The following TMEM132B variants were observed in gnomAD, a reference collection of about 807,000 sequenced individuals.
TMEM132B encodes the protein transmembrane protein 132B.
Under a neutral mutation model 90.8 loss-of-function variants are expected in TMEM132B, and 18 were observed. The ratio of observed to expected loss-of-function variants is 0.20; its 90% CI spans 0.14 to 0.29. The LOEUF (loss-of-function observed/expected upper bound fraction) is 0.29. Ranked by LOEUF, TMEM132B falls within the 10% of genes least tolerant of loss-of-function variation. The pLI is 1.00. For synonymous variants in TMEM132B, 504 were observed against 523.3 expected (o/e 0.96, Z 0.50); for missense variants, 1,096 against 1,326.8 (o/e 0.83, Z 2.70).
intron 3 of TMEM132B, among the ~76,000 whole-genome samples, chr12:125,425,494 C>T (rs150750677): frequency 0.011 from 1,693 of 152,298 alleles, 29 homozygotes; most frequent in African/African-American, 0.037. Context: ...TTGGGGTTCA[C>T]TCCTTGTGTT....
chr12:125,662,223 A>G lies in TMEM132B; in HGVS notation c.*7513A>G, dbSNP rs1317994158. ...CATGCTGTTATGACATTGTGCTTCT[A>G]TATACCTTTTTGTATAATGTATCTA... On this transcript the variant is annotated 3_prime_UTR_variant, in exon 9 of 9. Coordinates refer to ENST00000682704, the MANE Select transcript of TMEM132B (RefSeq NM_001366854.1). The G allele has an allele frequency of 2.0e-5, 3 of 152,222 alleles. No individual in the cohort carries two copies. Among genetic ancestry groups the G allele is most frequent in the Non-Finnish European group, 1.5e-5 (1 of 68,038 alleles). The allele number at this position is 152,222 out of a possible 1,614,324, so 9.4% of individuals were successfully genotyped here.
At chr12:125,266,632 G>A (rs1874703407) in intron 1 of TMEM132B, among the ~76,000 whole-genome samples, 1 of 152,196 alleles carries the variant, frequency 6.6e-6, no homozygotes, top group African/African-American at 2.4e-5. Flanking sequence ...TTGGGGCTGA[G>A]GGTCAGGTTT....
At chr12:125,569,423 T>C (rs1884737994) in intron 4 of TMEM132B, among the ~76,000 whole-genome samples, 1 of 152,206 alleles carries the variant, frequency 6.6e-6, no homozygotes, top group Non-Finnish European at 1.5e-5. Context: ...TAGCACTTAG[T>C]TGCAGGTTCC....
chr12:125,311,332 C>G (rs942901633), intron 1 of TMEM132B, among the ~76,000 whole-genome samples: 1 of 152,182 alleles, frequency 6.6e-6, no homozygotes, highest in Non-Finnish European at 1.5e-5. Flanking sequence ...GATTTTAAAT[C>G]AAAGTTAATT....
At chr12:125,554,625 C>T (rs1045680285) in intron 4 of TMEM132B, among the ~76,000 whole-genome samples, 3 of 151,908 alleles carry the variant, frequency 2.0e-5, no homozygotes, top group African/African-American at 7.3e-5. Flanking sequence ...CTCCAAGAAT[C>T]CCTTTAATGT....
intron 1 of TMEM132B, among the ~76,000 whole-genome samples, chr12:125,235,349 T>C (rs1306439357): frequency 6.6e-6 from 1 of 152,088 alleles, no homozygotes; most frequent in Admixed American, 6.5e-5. Context: ...CCTCCATGGA[T>C]CCCACCTTTG....
chr12:125,230,751 G>T (rs139389977), intron 1 of TMEM132B, among the ~76,000 whole-genome samples: 58 of 150,980 alleles, frequency 3.8e-4, no homozygotes, highest in African/African-American at 1.2e-3. Context: ...TGATCCGCCC[G>T]CCTCGGCCTC....
chr12:125,338,506 G>A (rs1228110214), intron 1 of TMEM132B, among the ~76,000 whole-genome samples: 1 of 152,184 alleles, frequency 6.6e-6, no homozygotes. Context: ...TGAGGATGGG[G>A]GCACTGGAAG....
At chr12:125,493,494 G>A (rs1320932137) in intron 3 of TMEM132B, among the ~76,000 whole-genome samples, 1 of 152,160 alleles carries the variant, frequency 6.6e-6, no homozygotes, top group East Asian at 1.9e-4. Context: ...AGGGAACGTC[G>A]ACTACCCAGC....
rs1877513516 is a variant in TMEM132B, at chr12:125,350,180, A to G, written c.796A>G (p.Ser266Gly). The G allele has an allele frequency of 2.5e-6, 4 of 1,613,986 alleles. No homozygotes were observed. Among genetic ancestry groups the G allele is most frequent in the South Asian group, 1.1e-5 (1 of 91,066 alleles). The change falls in exon 2 of 9, where the codon AGT becomes GGT. Residue 266 changes from serine to glycine, a missense_variant. Physicochemically the swap from Ser to Gly is moderately conservative, Grantham distance 56. Coordinates refer to ENST00000682704, the MANE Select transcript of TMEM132B (RefSeq NM_001366854.1). ...GTTTCCAGCCCGAGAGAGGATTGGG[A>G]GTGTGGTGGTCTACCCAACCCAAGA... is the stretch of plus-strand genomic sequence containing the variant. ...QAFPARERIG[S>G]VVVYPTQDDL...
intron 2 of TMEM132B, among the ~76,000 whole-genome samples, chr12:125,352,081 C>A (rs1877604338): frequency 6.6e-6 from 1 of 152,210 alleles, no homozygotes; most frequent in Non-Finnish European, 1.5e-5. Flanking sequence ...GGATTAAATA[C>A]AACTGTTCTA....
At chr12:125,568,357 C>T (rs910257657) in intron 4 of TMEM132B, among the ~76,000 whole-genome samples, 41 of 152,140 alleles carry the variant, frequency 2.7e-4, no homozygotes, top group African/African-American at 9.4e-4. Context: ...ATGGGGTATC[C>T]ATCCCCTCCA....
chr12:125,515,196 A>C (rs1883082791), intron 3 of TMEM132B, among the ~76,000 whole-genome samples: 1 of 141,694 alleles, frequency 7.1e-6, no homozygotes, highest in Admixed American at 6.7e-5. Context: ...ATTCTCTCTC[A>C]TGCACACTCA....
chr12:125,375,752 G>A (rs975085466), intron 2 of TMEM132B, among the ~76,000 whole-genome samples: 1 of 152,196 alleles, frequency 6.6e-6, no homozygotes, highest in Non-Finnish European at 1.5e-5. Context: ...GTAAACCCAC[G>A]TTAGTGAGAC....
At chr12:125,481,001 A>G (rs1882026348) in intron 3 of TMEM132B, among the ~76,000 whole-genome samples, 1 of 152,210 alleles carries the variant, frequency 6.6e-6, no homozygotes, top group South Asian at 2.1e-4. Context: ...AGAACCAAAG[A>G]CAAAAACCAC....
At chr12:125,391,322 T>C (rs1008012676) in intron 2 of TMEM132B, among the ~76,000 whole-genome samples, 1 of 152,178 alleles carries the variant, frequency 6.6e-6, no homozygotes, top group Non-Finnish European at 1.5e-5. Flanking sequence ...ACTTCTTTTT[T>C]AGGTTGAAAG....
intron 1 of TMEM132B, among the ~76,000 whole-genome samples, chr12:125,201,439 A>C (rs548345888): frequency 6.6e-6 from 1 of 152,340 alleles, no homozygotes; most frequent in African/African-American, 2.4e-5. Flanking sequence ...TTCTTCACGA[A>C]AGATTTAAAT....
intron 4 of TMEM132B, among the ~76,000 whole-genome samples, chr12:125,544,541 A>G (rs1884041287): frequency 6.6e-6 from 1 of 152,154 alleles, no homozygotes; most frequent in East Asian, 1.9e-4. Flanking sequence ...CCTCCAAGAG[A>G]TACTAATGAA....
intron 5 of TMEM132B, among the ~76,000 whole-genome samples, chr12:125,614,897 T>C (rs1162200160): frequency 2.6e-5 from 4 of 152,168 alleles, no homozygotes; most frequent in African/African-American, 9.7e-5. Context: ...TTTCTGTTTA[T>C]CAAGAATATA....
Sources: allele counts gnomAD v4.1 joint callset (sites outside exome capture counted in the v4.1 genomes callset), GRCh38; gene constraint gnomAD v4.1.1; transcripts MANE v1.5; gene names NCBI Gene and HGNC (gene_info 2026-07-23, HGNC 2026-07-21).